UGT1A7: variants seen among roughly 807,000 people sequenced by gnomAD.
The protein encoded by UGT1A7 is UDP glucuronosyltransferase family 1 member A7, also known as UDP-glucuronosyltransferase 1A7.
UGT1A7 carries 33 observed loss-of-function variants against 45.6 expected under a neutral mutation model. The ratio of observed to expected loss-of-function variants is 0.72; its 90% CI spans 0.55 to 0.97. UGT1A7 has a LOEUF of 0.97. Ranked by LOEUF, UGT1A7 falls within the 50% of genes least tolerant of loss-of-function variation. The pLI, the probability that UGT1A7 is intolerant of heterozygous loss-of-function variation, is 0.00. For missense variants in UGT1A7, 684 were observed against 666.2 expected (o/e 1.03, Z -0.29); for synonymous variants, 274 against 250.6 (o/e 1.09, Z -0.88).
At chr2:233,686,748 C>A (rs2074802861) in intron 1 of UGT1A7, among the ~76,000 whole-genome samples, 1 of 152,194 alleles carries the variant, frequency 6.6e-6, no homozygotes, top group Admixed American at 6.5e-5. Flanking sequence ...CTTCCCTAGC[C>A]TCACTGGCTT....
intron 1 of UGT1A7, chr2:233,743,967 C>A (rs1487193750): frequency 1.5e-6 from 2 of 1,326,686 alleles, no homozygotes; most frequent in African/African-American, 1.5e-5. Flanking sequence ...AGCGGCAAGG[C>A]TGCCAGCACC....
At position 233,719,386 on chromosome 2, in the gene UGT1A7, A is replaced by G. The variant is rs141300284; in HGVS notation, c.855+36594A>G. The G allele has an allele frequency of 2.9e-5, 47 of 1,613,822 alleles. No homozygotes were observed. In the African/African-American group the frequency reaches 4.3e-4, roughly 15 times the overall value. ...GACTTTAAGGGCACACAGTGTCCAA[A>G]TCCTTCCTCCTATATTCCTAAGTTA... is the stretch of plus-strand genomic sequence containing the variant. On this transcript the variant is annotated intron_variant, in intron 1 of 4. Transcript: ENST00000373426.
rs974078775 is a variant in UGT1A7, at chr2:233,743,284, C to A, written c.856-23750C>A. 1.2e-4 allele frequency: 61 copies of A among 507,042 alleles called. 3 individuals are homozygous for A. The highest frequency in any genetic ancestry group is 1.0e-3 in the African/African-American group (49 of 48,728). 31.4% of individuals were successfully genotyped at this position (507,042 alleles called of 1,614,324 possible). A position where few individuals can be genotyped will look rare whatever the true frequency, so the allele number is the denominator to read the frequency against. On this transcript the variant is annotated intron_variant, in intron 1 of 4. Transcript: ENST00000373426. ...TTCCTCCACTTCCACCCTTTCTTGG[C>A]CATTCTCAATGATTCTCTTGGTGGT...
intron 3 of UGT1A7, 42 bp downstream of exon 3, chr2:233,767,978 A>G: frequency 3.1e-6 from 5 of 1,614,204 alleles, no homozygotes; most frequent in Non-Finnish European, 4.2e-6. Flanking sequence ...ACCAGGGTCA[A>G]ATTAAGAAAA....
chr2:233,685,707 A>G (rs2074750782), intron 1 of UGT1A7, among the ~76,000 whole-genome samples: 1 of 152,230 alleles, frequency 6.6e-6, no homozygotes, highest in South Asian at 2.1e-4. Flanking sequence ...ATAATTTTCA[A>G]TATCTTGCTG....
chr2:233,754,969 T>A, intron 1 of UGT1A7: 6 of 1,302,646 alleles, frequency 4.6e-6, no homozygotes, highest in Non-Finnish European at 6.2e-6. Context: ...AAGAACTCCC[T>A]GAAGACCTCG....
At chr2:233,708,481 G>A (rs1350842502) in intron 1 of UGT1A7, 2 of 152,206 alleles carry the variant, frequency 1.3e-5, no homozygotes, top group Non-Finnish European at 2.9e-5. Flanking sequence ...GCTGAGCGTG[G>A]TGGCTCATGC....
At chr2:233,748,159 A>G (rs963522217) in intron 1 of UGT1A7, 2 of 1,598,928 alleles carry the variant, frequency 1.3e-6, no homozygotes, top group African/African-American at 1.4e-5. Context: ...AATTGCTTCC[A>G]TATCTACTTA....
intron 1 of UGT1A7, among the ~76,000 whole-genome samples, chr2:233,757,818 T>C (rs527929450): frequency 1.3e-5 from 2 of 151,564 alleles, no homozygotes; most frequent in East Asian, 3.9e-4. Flanking sequence ...GAGCTGGTAG[T>C]GTGTCTGATG....
chr2:233,709,022 A>G (rs1052835676), intron 1 of UGT1A7, among the ~76,000 whole-genome samples: 2 of 152,110 alleles, frequency 1.3e-5, no homozygotes, highest in African/African-American at 4.8e-5. Context: ...CCCAAGCAGC[A>G]GGGGCTTCAG....
At chr2:233,701,489 C>T (rs4024061) in intron 1 of UGT1A7, among the ~76,000 whole-genome samples, 4,094 of 152,166 alleles carry the variant, frequency 0.027, 90 homozygotes, top group African/African-American at 0.046. Context: ...CTGCACCAAG[C>T]GGACCTAATA....
chr2:233,760,198 T>C (rs907119126), intron 1 of UGT1A7: 1 of 1,579,636 alleles, frequency 6.3e-7, no homozygotes, highest in Admixed American at 1.7e-5. Context: ...CGTGACACAG[T>C]CAAACATTAA....
At chr2:233,754,712 G>A (rs1446965337) in intron 1 of UGT1A7, 3 of 540,884 alleles carry the variant, frequency 5.5e-6, no homozygotes, top group East Asian at 1.4e-4. Context: ...TGGACTTGAA[G>A]CTGCCTGTCC....
chr2:233,761,042 C>A, intron 1 of UGT1A7: 1 of 1,614,180 alleles, frequency 6.2e-7, no homozygotes, highest in Non-Finnish European at 8.5e-7. Context: ...AGCTCTGCAT[C>A]TGTCTGGCTG....
At chr2:233,759,792 T>C (rs945566213) in intron 1 of UGT1A7, among the ~76,000 whole-genome samples, 3 of 152,146 alleles carry the variant, frequency 2.0e-5, no homozygotes, top group African/African-American at 7.2e-5. Flanking sequence ...ATGAAACACA[T>C]GATACAAGTG....
At chr2:233,686,264 G>C (rs1414310653) in intron 1 of UGT1A7, among the ~76,000 whole-genome samples, 1 of 149,158 alleles carries the variant, frequency 6.7e-6, no homozygotes, top group African/African-American at 2.5e-5. Flanking sequence ...TTTTTTTCTT[G>C]TACCAAAAGT....
At chr2:233,729,583 C>A (rs1274615489) in intron 1 of UGT1A7, 2 of 1,614,036 alleles carry the variant, frequency 1.2e-6, no homozygotes, top group Non-Finnish European at 1.7e-6. Context: ...TTTAACAGAC[C>A]CCGTTAACCT....
intron 1 of UGT1A7, among the ~76,000 whole-genome samples, chr2:233,761,639 G>A (rs1340532947): frequency 3.9e-5 from 6 of 152,230 alleles, no homozygotes; most frequent in Non-Finnish European, 5.9e-5. Context: ...CCTGCAGTCC[G>A]TTCTCTTCTA....
intron 1 of UGT1A7, chr2:233,690,545 A>G (rs1443956846): frequency 9.3e-6 from 12 of 1,289,642 alleles, no homozygotes; most frequent in Non-Finnish European, 1.1e-5. Flanking sequence ...CCCCACTGGA[A>G]TATGTCCCAA....
Sources: allele counts gnomAD v4.1 joint callset (sites outside exome capture counted in the v4.1 genomes callset), GRCh38; gene constraint gnomAD v4.1.1; transcripts MANE v1.5; gene names NCBI Gene and HGNC (gene_info 2026-07-23, HGNC 2026-07-21).